The following SHPK variants were observed in gnomAD, a reference collection of about 807,000 sequenced individuals.
SHPK encodes carbohydrate kinase-like protein.
SHPK carries 51 observed loss-of-function variants against 46.3 expected under a neutral mutation model. The observed-to-expected ratio is 1.10, with a 90% CI of 0.88 to 1.39. The LOEUF is 1.39. Among genes scored for constraint, SHPK ranks in the 40% most tolerant of loss-of-function variants. SHPK has a pLI of 0.00. For synonymous variants in SHPK, 290 were observed against 273.9 expected, an observed-to-expected ratio of 1.06 and a Z score of -0.58; for missense variants, 668 against 641.3, an observed-to-expected ratio of 1.04 and a Z score of -0.45.
intron 3 of SHPK, 65 bp downstream of exon 3, chr17:3,623,983 C>T (rs1406476078): frequency 1.4e-6 from 2 of 1,468,708 alleles, no homozygotes; most frequent in African/African-American, 1.4e-5. Flanking sequence ...GATGCTGACG[C>T]AGCCCCGGCC....
intron 2 of SHPK, among the ~76,000 whole-genome samples, chr17:3,626,519 C>T (rs546923796): frequency 6.6e-6 from 1 of 151,950 alleles, no homozygotes; most frequent in Non-Finnish European, 1.5e-5. Flanking sequence ...AGTTCAAGGC[C>T]AGCCTGGCCA....
intron 2 of SHPK, among the ~76,000 whole-genome samples, chr17:3,625,790 C>T (rs1025284560): frequency 7.9e-5 from 12 of 152,196 alleles, no homozygotes; most frequent in Non-Finnish European, 1.3e-4. Flanking sequence ...CGGTGGCTCA[C>T]GCCTATAATC....
At position 3,629,728 on chromosome 17, in the gene SHPK, T is replaced by TAAAA. The variant is rs59844560; in HGVS notation, c.310+473_310+476dup. Among the ~76,000 whole-genome samples, 6 of 121,676 alleles carry TAAAA rather than the reference T, an allele frequency of 4.9e-5. No homozygotes were observed. The East Asian group carries it at 7.0e-4, about 14-fold the overall frequency. 79.8% of individuals were successfully genotyped at this position (121,676 alleles called of 152,430 possible). ...GGGTAACAAGAGTGAAACTCCACCT[T>TAAAA]AAAAAAAAAAAAAAAAAAAGATATG... On this transcript the variant is annotated intron_variant, in intron 2 of 6. Coordinates refer to ENST00000225519, the MANE Select transcript of SHPK (RefSeq NM_013276.4).
chr17:3,616,420 C>T (rs2075372032), intron 5 of SHPK, among the ~76,000 whole-genome samples: 1 of 152,126 alleles, frequency 6.6e-6, no homozygotes, highest in African/African-American at 2.4e-5. Flanking sequence ...CAGCATCAAG[C>T]GTGGGCTCAG....
At chr17:3,611,453 C>A (rs1223361674) in intron 6 of SHPK, among the ~76,000 whole-genome samples, 1 of 152,200 alleles carries the variant, frequency 6.6e-6, no homozygotes, top group African/African-American at 2.4e-5. Context: ...CCTGTAATCC[C>A]AGCTACTCAG....
At position 3,624,041 on chromosome 17, in the gene SHPK, C is replaced by A. The variant is rs2075418232; in HGVS notation, c.494+7G>T. 1 of 1,598,124 alleles carries A rather than the reference C, an allele frequency of 6.3e-7. No individual in the cohort carries two copies. ...CAGCACCCGAGTGAAAGTGCAGTTG[C>A]CCGTACCGATATTTCAAAAGCCAGA... On this transcript the variant is annotated splice_region_variant and intron_variant, in intron 3 of 6. Transcript: ENST00000225519.
intron 5 of SHPK, among the ~76,000 whole-genome samples, chr17:3,615,907 T>C (rs932252858): frequency 6.9e-6 from 1 of 145,566 alleles, no homozygotes; most frequent in Non-Finnish European, 1.5e-5. Flanking sequence ...CAGGCTGGAG[T>C]GCAATGGTGC....
At position 3,609,322 on chromosome 17, in the gene SHPK, TGAGA is replaced by T. The variant is rs3840876; in HGVS notation, c.*1234_*1237del. ...TATGTTTCATACCTGTCATGGATAC[TGAGA>T]GAGAGAGAGAGAGAGAGAGAGAGAA... On this transcript the variant is annotated 3_prime_UTR_variant, in exon 7 of 7. Coordinates refer to ENST00000225519, the MANE Select transcript of SHPK (RefSeq NM_013276.4). 0.37 allele frequency: 55,400 copies of T among 148,566 alleles called. 11,723 individuals carry two copies. Among genetic ancestry groups the T allele is most frequent in the East Asian group, 0.67 (3,350 of 5,036 alleles). The allele number at this position is 148,566 out of a possible 1,614,324, so 9.2% of individuals were successfully genotyped here.
intron 5 of SHPK, among the ~76,000 whole-genome samples, chr17:3,618,548 G>A (rs909874153): frequency 1.4e-4 from 22 of 152,030 alleles, no homozygotes; most frequent in Non-Finnish European, 1.9e-4. Flanking sequence ...TTAGGAGGCC[G>A]AGGCAGGTGG....
chr17:3,615,233 C>A, intron 6 of SHPK, 104 bp downstream of exon 6: 1 of 1,127,586 alleles, frequency 8.9e-7, no homozygotes, highest in Non-Finnish European at 1.3e-6. Context: ...TCTGAGACCT[C>A]AATGTGGACG....
At position 3,636,058 on chromosome 17, in the gene SHPK, C is replaced by T. The variant is rs766417908; in HGVS notation, c.162G>A (p.Gly54=). ...AEAAVESAVA[G]PQGREQDVSR... The stretch of plus-strand genomic sequence containing the variant: ...CCCCGGGGGTCCAACTCACCTGGGG[C>T]CCGGCCACCGCGCTCTCGACCGCCG... Residue 54 remains glycine (G), a synonymous_variant, in exon 1 of 7, where the codon GGG becomes GGA. Coordinates refer to ENST00000225519, the MANE Select transcript of SHPK (RefSeq NM_013276.4). The T allele has an allele frequency of 1.1e-5, 17 of 1,560,004 alleles. No homozygotes were observed. In the East Asian group the frequency reaches 2.9e-4, roughly 26 times the overall value.
intron 2 of SHPK, among the ~76,000 whole-genome samples, chr17:3,629,419 T>C (rs2075456821): frequency 6.6e-6 from 1 of 151,996 alleles, no homozygotes; most frequent in Non-Finnish European, 1.5e-5. Context: ...TAGAAATGCT[T>C]AGCAACTGAA....
At position 3,624,064 on chromosome 17, in the gene SHPK, A is replaced by G; in HGVS notation, c.478T>C (p.Trp160Arg). ...ATGFGCATIF[W>R]LLKYRPEFLK... ...TGCCCGTACCGATATTTCAAAAGCC[A>G]GAAGATGGTTGCACAGCCGAAGCCC... The change falls in exon 3 of 7, where the codon TGG becomes CGG. Residue 160 changes from tryptophan (W) to arginine (R), a missense_variant. Coordinates refer to ENST00000225519, the MANE Select transcript of SHPK (RefSeq NM_013276.4). 4 of 1,605,876 alleles carry G rather than the reference A, an allele frequency of 2.5e-6. No homozygotes were observed. The South Asian group carries it at 3.3e-5, about 13-fold the overall frequency.
intron 6 of SHPK, among the ~76,000 whole-genome samples, chr17:3,612,758 T>C (rs2075347756): frequency 6.6e-6 from 1 of 151,520 alleles, no homozygotes; most frequent in Admixed American, 6.6e-5. Flanking sequence ...GGGATCTTTT[T>C]TTTTTTTTTT....
intron 6 of SHPK, among the ~76,000 whole-genome samples, chr17:3,612,915 C>T (rs2075348779): frequency 6.6e-6 from 1 of 152,064 alleles, no homozygotes. Context: ...CCACTCCAGG[C>T]TAATTTTTGT....
Position 3,609,249 on chromosome 17 carries a change from C to T in SHPK, c.*1311G>A, listed in dbSNP as rs565332809. The T allele has an allele frequency of 6.6e-6, 1 of 152,002 alleles. No individual in the cohort carries two copies. Among genetic ancestry groups the T allele is most frequent in the Non-Finnish European group, 1.5e-5 (1 of 67,996 alleles). The allele number at this position is 152,002 out of a possible 1,614,324, so 9.4% of individuals were successfully genotyped here. ...TCAGGCATTTGCTCTCATCTTAGAG[C>T]TTCCAGATAATCACATAATTTGTAA... On this transcript the variant is annotated 3_prime_UTR_variant, in exon 7 of 7. Transcript: ENST00000225519.
In SHPK at chr17:3,636,098, G is replaced by C; in HGVS notation, c.122C>G (p.Ala41Gly). 6.2e-7 allele frequency: 1 copy of C among 1,603,758 alleles called. No individual in the cohort carries two copies. Among genetic ancestry groups the C allele is most frequent in the Non-Finnish European group, 8.5e-7 (1 of 1,175,860 alleles). Residue 41 changes from alanine (A) to glycine (G), a missense_variant, in exon 1 of 7, where the codon GCT becomes GGT. By Grantham distance (60) the Ala-to-Gly change is moderately conservative (BLOSUM62 0). Coordinates refer to ENST00000225519, the MANE Select transcript of SHPK (RefSeq NM_013276.4). Reference protein sequence around the residue: ...GFAVLASCARAARAEAAVESA... With the variant: ...GFAVLASCARGARAEAAVESA... The stretch of plus-strand genomic sequence containing the variant: ...CTCGACCGCCGCCTCTGCCCGCGCA[G>C]CACGGGCACAGCTCGCCAGCACTGC...
chr17:3,613,233 T>C (rs1410096196), intron 6 of SHPK, among the ~76,000 whole-genome samples: 1 of 152,220 alleles, frequency 6.6e-6, no homozygotes, highest in Non-Finnish European at 1.5e-5. Flanking sequence ...GGAACTTTTA[T>C]AAAACTCATG....
At chr17:3,615,963 T>G (rs1050439326) in intron 5 of SHPK, among the ~76,000 whole-genome samples, 1 of 151,234 alleles carries the variant, frequency 6.6e-6, no homozygotes, top group Non-Finnish European at 1.5e-5. Flanking sequence ...CAAGCAATTC[T>G]CTGCCTCAAC....
Sources: allele counts gnomAD v4.1 joint callset (sites outside exome capture counted in the v4.1 genomes callset), GRCh38; gene constraint gnomAD v4.1.1; transcripts MANE v1.5; gene names NCBI Gene and HGNC (gene_info 2026-07-23, HGNC 2026-07-21).